RGS5: variants seen among roughly 807,000 people sequenced by gnomAD.
The protein encoded by RGS5 is regulator of G protein signaling 5, also known as regulator of G-protein signalling 5.
Under a neutral mutation model 18.9 loss-of-function variants are expected in RGS5, and 20 were observed. The ratio of observed to expected loss-of-function variants is 1.06; its 90% CI spans 0.74 to 1.54. The LOEUF is 1.54. Among genes scored for constraint, RGS5 ranks in the 40% most tolerant of loss-of-function variants. The pLI is 0.00. For missense variants in RGS5, 201 were observed against 211.8 expected (o/e 0.95, Z 0.32); for synonymous variants, 57 against 76.2 (o/e 0.75, Z 1.31).
At chr1:163,266,824 T>A (rs938851633) in intron 2 of RGS5, 1 of 152,132 alleles carries the variant, frequency 6.6e-6, no homozygotes. Context: ...ATATGCTCAA[T>A]ACCCACTATA....
At position 163,190,218 on chromosome 1, in the gene RGS5, A is replaced by T. The variant is rs147443192; in HGVS notation, c.44+12574T>A. 1.7e-3 allele frequency among the ~76,000 whole-genome samples: 261 copies of T among 152,308 alleles called. 1 individual carries two copies. Among genetic ancestry groups the T allele is most frequent in the African/African-American group, 6.1e-3 (253 of 41,564 alleles). ...TTCTTTGTTTGAAAGCCCTATACAG[A>T]GCTTAGACTGAGGCTTATAGCAAAA... On this transcript the variant is annotated intron_variant, in intron 1 of 4. Transcript: ENST00000313961.
chr1:163,256,966 C>A (rs573707766), intron 2 of RGS5, among the ~76,000 whole-genome samples: 2 of 152,282 alleles, frequency 1.3e-5, no homozygotes, highest in South Asian at 2.1e-4. Context: ...AACCACCTTT[C>A]CCTTTTATCT....
chr1:163,230,462 GTAAGATAC>G (rs60492539), intron 2 of RGS5, among the ~76,000 whole-genome samples: 33,380 of 151,964 alleles, frequency 0.22, 4,157 homozygotes, highest in Non-Finnish European at 0.28. Flanking sequence ...TACCTTAGTT[GTAAGATAC>G]TAAGCTTTTG....
At chr1:163,286,217 AAGT>A (rs1649143953) in intron 2 of RGS5, among the ~76,000 whole-genome samples, 1 of 152,186 alleles carries the variant, frequency 6.6e-6, no homozygotes, top group South Asian at 2.1e-4. Context: ...TAGGTGTTAT[AAGT>A]AATCTAGAGG....
intron 2 of RGS5, among the ~76,000 whole-genome samples, chr1:163,239,739 T>C (rs1408713859): frequency 6.6e-6 from 1 of 152,202 alleles, no homozygotes; most frequent in African/African-American, 2.4e-5. Flanking sequence ...CTTGATCTGA[T>C]TTATATTGCT....
At chr1:163,246,526 G>T (rs1030171615) in intron 2 of RGS5, among the ~76,000 whole-genome samples, 3 of 152,014 alleles carry the variant, frequency 2.0e-5, no homozygotes, top group Non-Finnish European at 2.9e-5. Context: ...AGCCTAGATT[G>T]TGCCACTGCA....
At chr1:163,297,561 T>C (rs1292228528) in intron 2 of RGS5, among the ~76,000 whole-genome samples, 1 of 152,192 alleles carries the variant, frequency 6.6e-6, no homozygotes, top group Non-Finnish European at 1.5e-5. Flanking sequence ...TTTCCCTACA[T>C]CCTTCTTTCT....
In RGS5 at chr1:163,282,307, T is replaced by C. The variant is rs1447383893; in HGVS notation, c.-281+23926A>G. ...AATAAACATTTCTCAAAGGAAGACA[T>C]ATAAATGATCAACAAGTATATTTTA... is the stretch of plus-strand genomic sequence containing the variant. On this transcript the variant is annotated intron_variant, in intron 2 of 5. Transcript: ENST00000618415. Among the ~76,000 whole-genome samples, 4 of 152,154 alleles carry C rather than the reference T, an allele frequency of 2.6e-5. No homozygotes were observed. The South Asian group carries it at 6.2e-4, about 24-fold the overall frequency.
intron 1 of RGS5, among the ~76,000 whole-genome samples, chr1:163,173,177 C>T (rs1288223118): frequency 1.3e-5 from 2 of 152,158 alleles, no homozygotes; most frequent in Non-Finnish European, 2.9e-5. Context: ...TTCCTGGCCA[C>T]ATTACATTAA....
intron 1 of RGS5, among the ~76,000 whole-genome samples, chr1:163,186,870 A>T (rs1659112202): frequency 6.6e-6 from 1 of 152,172 alleles, no homozygotes; most frequent in Non-Finnish European, 1.5e-5. Flanking sequence ...AGGGGAAAAA[A>T]ATCACACCCC....
chr1:163,199,280 T>G (rs1659687348), intron 1 of RGS5, among the ~76,000 whole-genome samples: 1 of 152,160 alleles, frequency 6.6e-6, no homozygotes, highest in Admixed American at 6.6e-5. Context: ...TCTTTAAACA[T>G]ATAAAAGTAT....
intron 1 of RGS5, among the ~76,000 whole-genome samples, chr1:163,176,771 TAA>T (rs1032791276): frequency 1.9e-4 from 29 of 152,224 alleles, no homozygotes; most frequent in South Asian, 2.1e-4. Context: ...TTCAACGAAA[TAA>T]AAAAGATAAG....
intron 1 of RGS5, among the ~76,000 whole-genome samples, chr1:163,173,033 T>C (rs1279956377): frequency 2.0e-5 from 3 of 152,192 alleles, no homozygotes; most frequent in South Asian, 2.1e-4. Flanking sequence ...TATTTTCCCT[T>C]TATAGATAAA....
chr1:163,298,644 T>C (rs1649481176), intron 2 of RGS5, among the ~76,000 whole-genome samples: 1 of 152,118 alleles, frequency 6.6e-6, no homozygotes, highest in Admixed American at 6.6e-5. Context: ...AATGGATAGT[T>C]TGTGACAAAG....
chr1:163,192,610 C>T (rs1571270710), intron 1 of RGS5, among the ~76,000 whole-genome samples: 1 of 152,188 alleles, frequency 6.6e-6, no homozygotes, highest in East Asian at 1.9e-4. Flanking sequence ...TTTCAACAAA[C>T]AATCCATCTT....
intron 2 of RGS5, among the ~76,000 whole-genome samples, chr1:163,268,582 GTTT>G (rs1648632813): frequency 6.6e-6 from 1 of 152,010 alleles, no homozygotes; most frequent in African/African-American, 2.4e-5. Flanking sequence ...CCAACTCTAT[GTTT>G]TATCAAACTC....
chr1:163,147,925 T>TTC (rs1436804182), intron 4 of RGS5, among the ~76,000 whole-genome samples: 47 of 134,156 alleles, frequency 3.5e-4, no homozygotes, highest in South Asian at 3.1e-3. Context: ...TTTCTTTTTT[T>TTC]TTTTTTTTTT....
intron 4 of RGS5, among the ~76,000 whole-genome samples, chr1:163,148,610 A>C (rs1424127077): frequency 6.6e-6 from 1 of 152,228 alleles, no homozygotes; most frequent in African/African-American, 2.4e-5. Flanking sequence ...TCAGAAATCC[A>C]GTGATGTGGC....
intron 1 of RGS5, among the ~76,000 whole-genome samples, chr1:163,307,844 C>T (rs756765703): frequency 1.3e-5 from 2 of 152,112 alleles, no homozygotes; most frequent in Non-Finnish European, 2.9e-5. Flanking sequence ...CCACAGCAGC[C>T]TTATTAGTAA....
Sources: gnomAD v4.1 joint callset for allele counts (sites outside exome capture counted in the v4.1 genomes callset) on GRCh38, gnomAD v4.1.1 for gene constraint, MANE v1.5 for transcripts, NCBI Gene and HGNC (gene_info 2026-07-23, HGNC 2026-07-21) for gene names.